Variants in NAA15 observed in about 807,000 individuals in gnomAD.
NAA15 encodes N-terminal acetyltransferase.
A neutral mutation model predicts 114.0 loss-of-function variants in NAA15; 34 were observed. The ratio of observed to expected loss-of-function variants is 0.30; its 90% CI spans 0.23 to 0.40. NAA15 has a LOEUF of 0.40. Ranked by LOEUF, NAA15 falls within the 10% of genes least tolerant of loss-of-function variation. The pLI, the probability that NAA15 is intolerant of heterozygous loss-of-function variation, is 1.00. For missense variants in NAA15, 658 were observed against 1,004.5 expected (o/e 0.66, Z 4.66); for synonymous variants, 340 against 338.0 (o/e 1.01, Z -0.06).
Position 139,340,925 on chromosome 4 carries a change from T to C in NAA15, c.258T>C (p.Tyr86=), listed in dbSNP as rs776837247. The C allele has an allele frequency of 1.5e-5, 23 of 1,578,258 alleles. No individual in the cohort carries two copies. The highest frequency in any genetic ancestry group is 8.2e-5 in the African/African-American group (6 of 73,062). The change falls in exon 4 of 20, where the codon TAT becomes TAC. Residue 86 remains tyrosine, a synonymous_variant. Transcript: ENST00000296543. ...TAAATTCTTTAGGTTGGCACGTTTA[T>C]GGCCTTCTTCAGAGGTCAGACAAGA... ...DLKSHVCWHV[Y]GLLQRSDKKY...
At chr4:139,370,791 A>G (rs79745017) in intron 15 of NAA15, among the ~76,000 whole-genome samples, 8,315 of 152,322 alleles carry the variant, frequency 0.055, 256 homozygotes, top group East Asian at 0.1. Context: ...GAGAAAATAC[A>G]TATGTAAAGC....
intron 17 of NAA15, among the ~76,000 whole-genome samples, chr4:139,379,992 C>T (rs1008007379): frequency 2.0e-5 from 3 of 152,126 alleles, no homozygotes; most frequent in African/African-American, 7.2e-5. Flanking sequence ...TTGCAGTGAG[C>T]CGAGATCACG....
chr4:139,315,181 A>C (rs772932310), intron 1 of NAA15, among the ~76,000 whole-genome samples: 2 of 151,700 alleles, frequency 1.3e-5, no homozygotes, highest in Non-Finnish European at 2.9e-5. Flanking sequence ...GATAGAGGCT[A>C]ATTCATTTTA....
intron 1 of NAA15, among the ~76,000 whole-genome samples, chr4:139,324,758 A>T (rs917875348): frequency 1.3e-5 from 2 of 152,098 alleles, no homozygotes; most frequent in African/African-American, 4.8e-5. Flanking sequence ...TCCAAATTGG[A>T]TATTTTTTGT....
chr4:139,322,953 A>G (rs568639395), intron 1 of NAA15, among the ~76,000 whole-genome samples: 5 of 151,702 alleles, frequency 3.3e-5, no homozygotes, highest in Admixed American at 2.0e-4. Context: ...GTCCTCCCCA[A>G]TAGCTGGGAT....
At chr4:139,377,217 A>G (rs940040633) in intron 16 of NAA15, among the ~76,000 whole-genome samples, 3 of 142,334 alleles carry the variant, frequency 2.1e-5, no homozygotes, top group Non-Finnish European at 4.6e-5. Flanking sequence ...ATAACATGGT[A>G]CTTCTCTATA....
At chr4:139,353,307 C>T (rs1747842131) in intron 9 of NAA15, among the ~76,000 whole-genome samples, 1 of 152,166 alleles carries the variant, frequency 6.6e-6, no homozygotes, top group African/African-American at 2.4e-5. Flanking sequence ...ACCAGAATAA[C>T]CTAGCTGCAA....
rs987723713 is a variant in NAA15, at chr4:139,389,653, A to G, written c.*1569A>G. 16 of 152,692 alleles carry G rather than the reference A, an allele frequency of 1.0e-4. No individual in the cohort carries two copies. The highest frequency in any genetic ancestry group is 3.9e-4 in the African/African-American group (16 of 41,466). The allele number at this position is 152,692 out of a possible 1,614,324, so 9.5% of individuals were successfully genotyped here. Reference sequence around the variant, plus strand: ...AACTAGCCTCAGGCTTAATATTCTCATTGCATTTGCAAGATCTGAGCAAAT... The same window carrying G: ...AACTAGCCTCAGGCTTAATATTCTCGTTGCATTTGCAAGATCTGAGCAAAT... On this transcript the variant is annotated 3_prime_UTR_variant, in exon 20 of 20. Transcript: ENST00000296543.
intron 11 of NAA15, among the ~76,000 whole-genome samples, chr4:139,358,371 T>C (rs763818097): frequency 1.1e-4 from 16 of 151,886 alleles, no homozygotes; most frequent in Non-Finnish European, 1.6e-4. Flanking sequence ...AATTTTTGTA[T>C]TATTTGTAGA....
In NAA15 at chr4:139,371,914, T is replaced by TTTTG. The variant is rs754793509; in HGVS notation, c.1947+1527_1947+1530dup. 3.3e-5 allele frequency among the ~76,000 whole-genome samples: 5 copies of TTTTG among 152,226 alleles called. No homozygotes were observed. In the South Asian group the frequency reaches 8.3e-4, roughly 25 times the overall value. The stretch of plus-strand genomic sequence containing the variant: ...CTCTTCATGTTTTCATGTATTTCTC[T>TTTTG]TTTGTTTGTTTGTTTGTTTGAGGTG... On this transcript the variant is annotated intron_variant, in intron 15 of 19. Transcript: ENST00000296543.
rs199994678 is a variant in NAA15, at chr4:139,351,536, C to T, written c.939C>T (p.Phe313=). The T allele has an allele frequency of 1.2e-5, 19 of 1,604,442 alleles. No individual in the cohort carries two copies. Residue 313 remains phenylalanine, a synonymous_variant, in exon 9 of 20, where the codon TTC becomes TTT. Transcript: ENST00000296543. The part of the protein sequence containing the change: ...GEKFKECLDK[F]LRMNFSKGCP... ...AGTTTAAAGAATGTTTGGATAAGTTCCTAAGGATGAATTTCAGCAAGGGTT... is the reference window on the plus strand; with the variant it reads ...AGTTTAAAGAATGTTTGGATAAGTTTCTAAGGATGAATTTCAGCAAGGGTT...
chr4:139,390,620 C>G lies in NAA15; in HGVS notation c.*2536C>G, dbSNP rs1749035488. The G allele has an allele frequency of 6.6e-6, 1 of 152,592 alleles. No individual in the cohort carries two copies. Among genetic ancestry groups the G allele is most frequent in the African/African-American group, 2.4e-5 (1 of 41,448 alleles). The allele number at this position is 152,592 out of a possible 1,614,324, so 9.5% of individuals were successfully genotyped here. A position where few individuals can be genotyped will look rare whatever the true frequency, so the allele number is the denominator to read the frequency against. ...TGTATTAACATAGGAAAGTAAAGTT[C>G]TTTTTGTTTTTCTTTATATTCAGCT... On this transcript the variant is annotated 3_prime_UTR_variant, in exon 20 of 20. Transcript: ENST00000296543.
At chr4:139,339,816 A>G (rs1747324632) in intron 3 of NAA15, among the ~76,000 whole-genome samples, 1 of 152,156 alleles carries the variant, frequency 6.6e-6, no homozygotes, top group Non-Finnish European at 1.5e-5. Flanking sequence ...GTAGGAGAAT[A>G]AAAGAAGACA....
intron 8 of NAA15, 55 bp from the exon 9 acceptor site, chr4:139,351,450 T>C (rs1747775406): frequency 8.6e-7 from 1 of 1,156,150 alleles, no homozygotes; most frequent in South Asian, 1.3e-5. Context: ...AATACTTTGG[T>C]AAATGTAAGT....
At chr4:139,351,879 G>A (rs546465514) in intron 9 of NAA15, among the ~76,000 whole-genome samples, 2 of 150,266 alleles carry the variant, frequency 1.3e-5, no homozygotes, top group South Asian at 2.1e-4. Flanking sequence ...AGTTGATAAG[G>A]TAATAATTTC....
chr4:139,317,936 G>A (rs74978895), intron 1 of NAA15, among the ~76,000 whole-genome samples: 8,315 of 152,152 alleles, frequency 0.055, 258 homozygotes, highest in East Asian at 0.1. Flanking sequence ...CCACTTTAAT[G>A]TTCTTTCTTC....
intron 14 of NAA15, among the ~76,000 whole-genome samples, chr4:139,368,273 A>G (rs2110973319): frequency 6.6e-6 from 1 of 152,338 alleles, no homozygotes; most frequent in Admixed American, 6.5e-5. Flanking sequence ...TGGGTCTCTC[A>G]GGCAGCTGAA....
intron 1 of NAA15, among the ~76,000 whole-genome samples, chr4:139,311,627 T>C (rs2061519499): frequency 6.6e-6 from 1 of 151,912 alleles, no homozygotes. Flanking sequence ...GGAGAAATGG[T>C]ATCAGGATTA....
Position 139,345,179 on chromosome 4 carries a change from C to T in NAA15, c.691+840C>T, listed in dbSNP as rs150913815. On this transcript the variant is annotated intron_variant, in intron 6 of 19. Transcript: ENST00000296543. Reference sequence around the variant, plus strand: ...CATTGTTTGCCAGATAAACTTTTGTCGGAGGATAATGGTACTGATAAGAAA... The same window carrying T: ...CATTGTTTGCCAGATAAACTTTTGTTGGAGGATAATGGTACTGATAAGAAA... 1.3e-3 allele frequency among the ~76,000 whole-genome samples: 192 copies of T among 152,230 alleles called. 2 individuals carry two copies. The highest frequency in any genetic ancestry group is 1.9e-3 in the African/African-American group (78 of 41,536).
Sources: allele counts gnomAD v4.1 joint callset (sites outside exome capture counted in the v4.1 genomes callset), GRCh38; gene constraint gnomAD v4.1.1; transcripts MANE v1.5; gene names NCBI Gene and HGNC (gene_info 2026-07-23, HGNC 2026-07-21).